Variants in PDGFC observed in about 807,000 individuals in gnomAD.
PDGFC encodes platelet-derived growth factor C.
PDGFC carries 12 observed loss-of-function variants against 35.5 expected under a neutral mutation model. That is an observed-to-expected ratio of 0.34 (90% confidence interval 0.22 to 0.55). The LOEUF (loss-of-function observed/expected upper bound fraction) is 0.55, where lower values mean the gene tolerates loss of function less well. Among genes scored for constraint, PDGFC ranks in the 20% least tolerant of loss-of-function variants. PDGFC has a pLI of 0.91. For missense variants in PDGFC, 322 were observed against 412.4 expected (o/e 0.78, Z 1.90); for synonymous variants, 159 against 148.8 (o/e 1.07, Z -0.50).
chr4:156,947,159 C>T (rs1731968399), intron 1 of PDGFC, among the ~76,000 whole-genome samples: 1 of 151,886 alleles, frequency 6.6e-6, no homozygotes, highest in Non-Finnish European at 1.5e-5. Flanking sequence ...AGATAAAAGA[C>T]TAAAAGGGGT....
rs58698115 is a variant in PDGFC, at chr4:156,824,285, CATATATATATATATAT to C, written c.315-13284_315-13269del. On this transcript the variant is annotated intron_variant, in intron 2 of 5. Transcript: ENST00000502773. ...TTTAACCCGTCTAGAACAATGTAAGCATATATATATATATATATATATATATATATATATATATATA... is the reference window on the plus strand; with the variant it reads ...TTTAACCCGTCTAGAACAATGTAAGCATATATATATATATATATATATATA... 8.1e-4 allele frequency among the ~76,000 whole-genome samples: 75 copies of C among 92,870 alleles called. 4 individuals are homozygous for C. Among genetic ancestry groups the C allele is most frequent in the Admixed American group, 3.4e-3 (27 of 8,044 alleles). The allele number at this position is 92,870 out of a possible 152,430, so 60.9% of individuals were successfully genotyped here.
chr4:156,913,512 A>G (rs1427352237), intron 1 of PDGFC, among the ~76,000 whole-genome samples: 2 of 152,236 alleles, frequency 1.3e-5, no homozygotes, highest in Non-Finnish European at 2.9e-5. Flanking sequence ...TGCTTCTACC[A>G]GAAATAAGTC....
At chr4:156,808,107 C>T (rs908444161) in intron 3 of PDGFC, among the ~76,000 whole-genome samples, 3 of 151,876 alleles carry the variant, frequency 2.0e-5, no homozygotes, top group Non-Finnish European at 4.4e-5. Context: ...GAGTCTACTG[C>T]GTTCCGGTTT....
intron 1 of PDGFC, among the ~76,000 whole-genome samples, chr4:156,866,546 T>C (rs1007714812): frequency 1.5e-4 from 23 of 151,632 alleles, no homozygotes; most frequent in African/African-American, 5.6e-4. Context: ...GGTGTGTGCG[T>C]GTGTGTGTGT....
At chr4:156,860,229 G>T (rs146488166) in intron 1 of PDGFC, among the ~76,000 whole-genome samples, 1 of 152,192 alleles carries the variant, frequency 6.6e-6, no homozygotes, top group African/African-American at 2.4e-5. Context: ...CTTGTCTTCT[G>T]ATCTCAGGGC....
intron 1 of PDGFC, among the ~76,000 whole-genome samples, chr4:156,891,274 C>A (rs1175820436): frequency 1.0e-5 from 1 of 99,876 alleles, no homozygotes; most frequent in African/African-American, 3.7e-5. Flanking sequence ...AGCGAGACTC[C>A]GTCTCAAAAA....
chr4:156,866,754 A>G (rs1368555989), intron 1 of PDGFC, among the ~76,000 whole-genome samples: 1 of 151,854 alleles, frequency 6.6e-6, no homozygotes, highest in Non-Finnish European at 1.5e-5. Flanking sequence ...TTTAAGTATT[A>G]TATACACAAT....
intron 5 of PDGFC, among the ~76,000 whole-genome samples, chr4:156,764,544 G>A (rs1306853656): frequency 6.6e-6 from 1 of 152,088 alleles, no homozygotes; most frequent in Non-Finnish European, 1.5e-5. Context: ...GAATATCACT[G>A]CTCATACATT....
At chr4:156,901,959 T>C (rs62331507) in intron 1 of PDGFC, among the ~76,000 whole-genome samples, 5 of 152,154 alleles carry the variant, frequency 3.3e-5, no homozygotes, top group East Asian at 1.9e-4. Context: ...GCATGCTACA[T>C]TGACAGCGAT....
intron 2 of PDGFC, among the ~76,000 whole-genome samples, chr4:156,815,370 C>T (rs915521747): frequency 6.7e-6 from 1 of 149,890 alleles, no homozygotes; most frequent in Non-Finnish European, 1.5e-5. Flanking sequence ...ACACACACCC[C>T]GTTGTCACTT....
intron 1 of PDGFC, among the ~76,000 whole-genome samples, chr4:156,912,019 T>C (rs1731050929): frequency 6.6e-6 from 1 of 152,078 alleles, no homozygotes; most frequent in African/African-American, 2.4e-5. Context: ...AACTAGAGTA[T>C]GAATCTGAGA....
At chr4:156,831,506 T>C (rs554630545) in intron 2 of PDGFC, among the ~76,000 whole-genome samples, 1 of 141,358 alleles carries the variant, frequency 7.1e-6, no homozygotes, top group Admixed American at 7.3e-5. Context: ...TGCAGTGCCA[T>C]GATCTCGACT....
At chr4:156,827,463 G>A (rs1171093888) in intron 2 of PDGFC, among the ~76,000 whole-genome samples, 6 of 151,272 alleles carry the variant, frequency 4.0e-5, no homozygotes, top group African/African-American at 1.2e-4. Context: ...TTCGACAAAC[G>A]CAAGCAAATG....
chr4:156,911,619 T>C (rs1479322755), intron 1 of PDGFC, among the ~76,000 whole-genome samples: 1 of 152,144 alleles, frequency 6.6e-6, no homozygotes, highest in Non-Finnish European at 1.5e-5. Flanking sequence ...GTTATATTAT[T>C]ATTCTCATTT....
intron 2 of PDGFC, among the ~76,000 whole-genome samples, chr4:156,833,978 A>G (rs1174847380): frequency 6.6e-6 from 1 of 152,200 alleles, no homozygotes; most frequent in Non-Finnish European, 1.5e-5. Flanking sequence ...ATAACTTGAG[A>G]GCATCAGAAA....
chr4:156,923,796 G>A (rs1000896017), intron 1 of PDGFC, among the ~76,000 whole-genome samples: 3 of 151,812 alleles, frequency 2.0e-5, no homozygotes, highest in African/African-American at 7.3e-5. Flanking sequence ...TACATGTAAC[G>A]AACTGGGGAC....
At chr4:156,776,110 A>T (rs1730820564) in intron 3 of PDGFC, among the ~76,000 whole-genome samples, 1 of 152,178 alleles carries the variant, frequency 6.6e-6, no homozygotes, top group South Asian at 2.1e-4. Flanking sequence ...GGGAGCAATG[A>T]AAAAAAGAAG....
In PDGFC at chr4:156,971,738, T is replaced by C. The variant is rs1347678087; in HGVS notation, c.-835A>G. Among the ~76,000 whole-genome samples the C allele has an allele frequency of 6.6e-6, 1 of 151,104 alleles. No homozygotes were observed. The highest frequency in any genetic ancestry group is 1.5e-5 in the Non-Finnish European group (1 of 67,788). On this transcript the variant is annotated 5_prime_UTR_variant, in exon 1 of 6. Coordinates refer to ENST00000502773, the MANE Select transcript of PDGFC (RefSeq NM_016205.3). ...GGGGCTCCGGTTGTTCCCCGTCCCC[T>C]CCCCCCACGCCTCGGGCTCCGCGCT...
chr4:156,888,014 A>C (rs1730416459), intron 1 of PDGFC, among the ~76,000 whole-genome samples: 1 of 152,036 alleles, frequency 6.6e-6, no homozygotes, highest in South Asian at 2.1e-4. Context: ...AAAAAAAAAA[A>C]AAAAAAGATT....
Sources: allele counts gnomAD v4.1 joint callset (sites outside exome capture counted in the v4.1 genomes callset), GRCh38; gene constraint gnomAD v4.1.1; transcripts MANE v1.5; gene names NCBI Gene and HGNC (gene_info 2026-07-23, HGNC 2026-07-21).